The following TNFRSF19 variants were observed in gnomAD, a reference collection of about 807,000 sequenced individuals.
TNFRSF19 encodes the protein TNF receptor superfamily member 19.
In TNFRSF19, 27 loss-of-function variants were observed where a neutral mutation model predicts 46.4. The observed-to-expected ratio is 0.58, with a 90% CI of 0.43 to 0.80. The LOEUF (loss-of-function observed/expected upper bound fraction) is 0.80, where lower values mean the gene tolerates loss of function less well. TNFRSF19 is among the 30% of genes least tolerant of loss of function. The pLI, the probability that TNFRSF19 is intolerant of heterozygous loss-of-function variation, is 0.00. For synonymous variants in TNFRSF19, 204 were observed against 205.0 expected (o/e 1.00, Z 0.04); for missense variants, 511 against 530.8 (o/e 0.96, Z 0.37).
At position 23,620,385 on chromosome 13, in the gene TNFRSF19, C is replaced by G. The variant is rs150135925; in HGVS notation, c.359+4340C>G. Among the ~76,000 whole-genome samples, 1,004 of 152,280 alleles carry G rather than the reference C, an allele frequency of 6.6e-3. 8 individuals are homozygous for G. The highest frequency in any genetic ancestry group is 0.011 in the Non-Finnish European group (736 of 68,026). Reference sequence around the variant, plus strand: ...TGCTGCTGTCCATAGGCCGAGGTCCCCCAGGACACCAGCTGCTTCCCTCTC... The same window carrying G: ...TGCTGCTGTCCATAGGCCGAGGTCCGCCAGGACACCAGCTGCTTCCCTCTC... On this transcript the variant is annotated intron_variant, in intron 4 of 9. Transcript: ENST00000248484.
In TNFRSF19 at chr13:23,668,081, A is replaced by G. The variant is rs1414075122; in HGVS notation, c.838A>G (p.Arg280Gly). The G allele has an allele frequency of 2.5e-6, 4 of 1,600,268 alleles. No homozygotes were observed. The highest frequency in any genetic ancestry group is 3.4e-6 in the Non-Finnish European group (4 of 1,173,524). ...GCATTCTGCAGCCAGTCTTCAGGCA[A>G]GGTAACTAGGTGCTTTCAATCAATC... Reference protein sequence around the residue: ...GVHSAASLQARNAGPAGEMVP... With the variant: ...GVHSAASLQAGNAGPAGEMVP... The change falls in exon 8 of 10, where the codon AGA (arginine) becomes GGA (glycine). Residue 280 changes from arginine (R) to glycine (G), a missense_variant and splice_region_variant. Arg to Gly is a moderately radical substitution (Grantham distance 125, BLOSUM62 -2). Transcript: ENST00000248484.
At chr13:23,648,272 T>C (rs939085044) in intron 5 of TNFRSF19, among the ~76,000 whole-genome samples, 3 of 152,188 alleles carry the variant, frequency 2.0e-5, no homozygotes, top group Admixed American at 6.5e-5. Flanking sequence ...TTCAATAATG[T>C]TTGGTAGTTT....
intron 1 of TNFRSF19, among the ~76,000 whole-genome samples, chr13:23,578,082 G>C (rs1878087588): frequency 6.6e-6 from 1 of 152,152 alleles, no homozygotes; most frequent in Non-Finnish European, 1.5e-5. Context: ...CTAGGCCCCG[G>C]GATATCAAGG....
Position 23,669,038 on chromosome 13 carries a change from A to G in TNFRSF19, c.1186A>G (p.Ser396Gly). 6.2e-7 allele frequency: 1 copy of G among 1,614,208 alleles called. No individual in the cohort carries two copies. The highest frequency in any genetic ancestry group is 1.1e-5 in the South Asian group (1 of 91,082). The change falls in exon 9 of 10, where the codon AGC (serine) becomes GGC (glycine). Residue 396 changes from serine (S) to glycine (G), a missense_variant. Transcript: ENST00000248484. Reference sequence around the variant, plus strand: ...AACTCAGGATGCACTAACTATGAGAAGCCAGCTAGATCAGGAGAGTGGTGC... The same window carrying G: ...AACTCAGGATGCACTAACTATGAGAGGCCAGCTAGATCAGGAGAGTGGTGC... ...ASTQDALTMR[S>G]QLDQESGAVI... is the part of the protein sequence containing the mutation.
At chr13:23,586,503 T>G (rs1375086432) in intron 1 of TNFRSF19, among the ~76,000 whole-genome samples, 1 of 152,028 alleles carries the variant, frequency 6.6e-6, no homozygotes, top group African/African-American at 2.4e-5. Flanking sequence ...TGGTTTGAGA[T>G]CCAGAGGTCC....
At chr13:23,644,735 C>T (rs1171577310) in intron 5 of TNFRSF19, among the ~76,000 whole-genome samples, 3 of 152,182 alleles carry the variant, frequency 2.0e-5, no homozygotes, top group Non-Finnish European at 2.9e-5. Context: ...AGTACAACTG[C>T]GGTGAGCTGT....
chr13:23,577,667 T>C (rs993272947), intron 1 of TNFRSF19, among the ~76,000 whole-genome samples: 3 of 151,916 alleles, frequency 2.0e-5, no homozygotes, highest in Admixed American at 2.0e-4. Flanking sequence ...GTAAGACAAG[T>C]AGGTAAAGCT....
At chr13:23,663,785 G>A (rs747273635) in intron 7 of TNFRSF19, among the ~76,000 whole-genome samples, 3 of 152,132 alleles carry the variant, frequency 2.0e-5, no homozygotes, top group Non-Finnish European at 2.9e-5. Context: ...AGGTTTTCTA[G>A]TTCATGTGTA....
chr13:23,601,754 T>C (rs566044873), intron 3 of TNFRSF19, among the ~76,000 whole-genome samples: 33 of 152,256 alleles, frequency 2.2e-4, no homozygotes, highest in Non-Finnish European at 4.1e-4. Context: ...TTTGTTGTTA[T>C]AAGGTATTCA....
chr13:23,620,808 C>T (rs1005119654), intron 4 of TNFRSF19, among the ~76,000 whole-genome samples: 7 of 152,166 alleles, frequency 4.6e-5, no homozygotes, highest in African/African-American at 9.7e-5. Context: ...AACTGGAACC[C>T]GCCCTGAAGA....
Position 23,660,474 on chromosome 13 carries a change from C to G in TNFRSF19, c.720C>G (p.Asp240Glu). ...AHRACCQCRR[D>E]SVQTCGPVRL... ...GAGCCTGCTGCCAGTGCCGCCGTGA[C>G]TCAGTGCAGACCTGCGGTAAGTTCA... The change falls in exon 7 of 10, where the codon GAC becomes GAG. Residue 240 changes from aspartate (D) to glutamate (E), a missense_variant. By Grantham distance (45) the Asp-to-Glu change is conservative. Transcript: ENST00000248484. 1 of 1,613,340 alleles carries G rather than the reference C, an allele frequency of 6.2e-7. No homozygotes were observed. The highest frequency in any genetic ancestry group is 8.5e-7 in the Non-Finnish European group (1 of 1,179,998).
intron 3 of TNFRSF19, among the ~76,000 whole-genome samples, chr13:23,612,440 T>C (rs1472996192): frequency 6.6e-6 from 1 of 152,220 alleles, no homozygotes; most frequent in African/African-American, 2.4e-5. Flanking sequence ...TTAAGGTGCA[T>C]TAGAAATATG....
At chr13:23,586,285 A>G (rs1878833998) in intron 1 of TNFRSF19, among the ~76,000 whole-genome samples, 1 of 151,518 alleles carries the variant, frequency 6.6e-6, no homozygotes, top group Non-Finnish European at 1.5e-5. Context: ...AAGAAAAGAC[A>G]TGCTGACCAG....
chr13:23,627,937 T>G (rs1010399136), intron 5 of TNFRSF19, among the ~76,000 whole-genome samples: 4 of 152,254 alleles, frequency 2.6e-5, no homozygotes, highest in Non-Finnish European at 2.9e-5. Context: ...TGTAAGATTT[T>G]CTTTTATAGA....
intron 4 of TNFRSF19, among the ~76,000 whole-genome samples, chr13:23,626,409 G>A (rs976368533): frequency 9.2e-5 from 14 of 151,962 alleles, no homozygotes; most frequent in Non-Finnish European, 1.6e-4. Flanking sequence ...GTATTTTGTC[G>A]TTTAAGTTTC....
chr13:23,589,808 A>G (rs764283849), intron 1 of TNFRSF19, among the ~76,000 whole-genome samples: 9 of 152,332 alleles, frequency 5.9e-5, no homozygotes, highest in South Asian at 2.1e-4. Flanking sequence ...GGAGGTTTAT[A>G]TAGTCACTAT....
chr13:23,614,104 T>C (rs894813575), intron 3 of TNFRSF19, among the ~76,000 whole-genome samples: 18 of 152,070 alleles, frequency 1.2e-4, no homozygotes, highest in African/African-American at 3.9e-4. Context: ...GTCTCCCCCC[T>C]CCTCTCTGTG....
At chr13:23,601,024 T>G (rs9553012) in intron 3 of TNFRSF19, among the ~76,000 whole-genome samples, 38,174 of 152,106 alleles carry the variant, frequency 0.25, 5,380 homozygotes, top group African/African-American at 0.37. Flanking sequence ...GCTAATAGCA[T>G]TAATCATGAA....
rs1878131270 is a variant in TNFRSF19 at position 23,578,571 on chromosome 13, T to A, written c.-35+7723T>A. ...CAGGGACTTGGGTCCATCCACACAG[T>A]GCAGTTGAGTGGGAAGTCAAAACCA... is the stretch of plus-strand genomic sequence containing the variant. On this transcript the variant is annotated intron_variant, in intron 1 of 9. Coordinates refer to ENST00000248484, the MANE Select transcript of TNFRSF19 (RefSeq NM_148957.4). 1.3e-5 allele frequency among the ~76,000 whole-genome samples: 2 copies of A among 152,218 alleles called. 1 individual carries two copies. Among genetic ancestry groups the A allele is most frequent in the Admixed American group, 1.3e-4 (2 of 15,288 alleles).
Sources: gnomAD v4.1 joint callset for allele counts (sites outside exome capture counted in the v4.1 genomes callset) on GRCh38, gnomAD v4.1.1 for gene constraint, MANE v1.5 for transcripts, NCBI Gene and HGNC (gene_info 2026-07-23, HGNC 2026-07-21) for gene names.